The following ZFHX4 variants were observed in gnomAD, a reference collection of about 807,000 sequenced individuals.
The protein encoded by ZFHX4 is zinc finger homeobox 4.
ZFHX4 carries 56 observed loss-of-function variants against 267.6 expected under a neutral mutation model. That is an observed-to-expected ratio of 0.21 (90% CI 0.17 to 0.26). The LOEUF (loss-of-function observed/expected upper bound fraction) is 0.26, where lower values mean the gene tolerates loss of function less well. ZFHX4 is among the 10% of genes least tolerant of loss of function. ZFHX4 has a pLI of 1.00. For synonymous variants in ZFHX4, 1,778 were observed against 1,665.6 expected (o/e 1.07, Z -1.64); for missense variants, 4,332 against 4,420.0 (o/e 0.98, Z 0.56).
intron 3 of ZFHX4, among the ~76,000 whole-genome samples, chr8:76,723,169 A>T (rs1478431711): frequency 1.3e-5 from 2 of 152,102 alleles, no homozygotes; most frequent in Non-Finnish European, 2.9e-5. Context: ...AATGAGCAGT[A>T]GTAAGTGATG....
chr8:76,753,987 T>A (rs1809696198), intron 3 of ZFHX4, among the ~76,000 whole-genome samples: 1 of 152,146 alleles, frequency 6.6e-6, no homozygotes, highest in Admixed American at 6.5e-5. Context: ...TTTGGAATCA[T>A]ACTGACAGGG....
rs1437042108 is a variant in ZFHX4, at chr8:76,705,772, G to A, written c.1684G>A (p.Ala562Thr). 1 of 1,613,866 alleles carries A rather than the reference G, an allele frequency of 6.2e-7. No homozygotes were observed. The highest frequency in any genetic ancestry group is 1.1e-5 in the South Asian group (1 of 91,084). The change falls in exon 2 of 11, where the codon GCA (alanine) becomes ACA (threonine). Residue 562 changes from alanine to threonine, a missense_variant. Ala to Thr is a moderately conservative substitution (Grantham distance 58). Around this residue, in one of 7 missense-constraint regions of ZFHX4, gnomAD observed 1,195 missense variants for 1,173.6 expected, o/e 1.02. Coordinates refer to ENST00000651372, the MANE Select transcript of ZFHX4 (RefSeq NM_024721.5). ...YGISGKDFAD[A>T]SASKDSATAA... is the part of the protein sequence containing the mutation. ...CATCAGTGGCAAGGACTTTGCAGACGCAAGTGCCAGTAAAGACAGTGCCAC... is the reference window on the plus strand; with the variant it reads ...CATCAGTGGCAAGGACTTTGCAGACACAAGTGCCAGTAAAGACAGTGCCAC...
chr8:76,801,741 G>GTGTA (rs1425508729), intron 4 of ZFHX4, among the ~76,000 whole-genome samples: 2 of 152,136 alleles, frequency 1.3e-5, no homozygotes, highest in African/African-American at 4.8e-5. Context: ...AAGGACTCAC[G>GTGTA]TGTATATATG....
chr8:76,781,386 A>T (rs1475927782), intron 4 of ZFHX4, among the ~76,000 whole-genome samples: 1 of 152,058 alleles, frequency 6.6e-6, no homozygotes, highest in Non-Finnish European at 1.5e-5. Flanking sequence ...CCAATACATG[A>T]GTAATTAAGT....
chr8:76,785,885 C>T (rs1810674452), intron 4 of ZFHX4, among the ~76,000 whole-genome samples: 1 of 152,160 alleles, frequency 6.6e-6, no homozygotes, highest in Non-Finnish European at 1.5e-5. Context: ...TGCCAATAAA[C>T]TGGTTATCTG....
intron 3 of ZFHX4, among the ~76,000 whole-genome samples, chr8:76,761,371 A>G (rs964097253): frequency 2.6e-5 from 4 of 152,210 alleles, no homozygotes; most frequent in Non-Finnish European, 2.9e-5. Context: ...GTGTTTATTT[A>G]TCCTTGTAAA....
chr8:76,860,263 A>G (rs187438774), intron 10 of ZFHX4, among the ~76,000 whole-genome samples: 43 of 152,220 alleles, frequency 2.8e-4, no homozygotes, highest in African/African-American at 8.7e-4. Context: ...TTTTTAGAGT[A>G]GCTCATTATT....
intron 10 of ZFHX4, among the ~76,000 whole-genome samples, chr8:76,857,725 G>T (rs995244384): frequency 6.6e-6 from 1 of 151,976 alleles, no homozygotes; most frequent in Non-Finnish European, 1.5e-5. Context: ...GGTACTTTGG[G>T]CTTCATTATC....
chr8:76,849,625 C>T lies in ZFHX4; in HGVS notation c.3759C>T (p.Asp1253=), dbSNP rs778633608. The T allele has an allele frequency of 2.2e-5, 35 of 1,613,816 alleles. No individual in the cohort carries two copies. The highest frequency in any genetic ancestry group is 2.0e-4 in the East Asian group (9 of 44,864). The change falls in exon 8 of 11, where the codon GAC becomes GAT. Residue 1253 remains aspartate (D), a synonymous_variant. Transcript: ENST00000651372. ...TCATCTGCTGTCCTCTCTGTCAGGACGTCCTCAGCAACAAAATGCATCTCC... is the reference window on the plus strand; with the variant it reads ...TCATCTGCTGTCCTCTCTGTCAGGATGTCCTCAGCAACAAAATGCATCTCC... ...QPVICCPLCQ[D]VLSNKMHLQL... is the part of the protein sequence containing the mutation.
intron 4 of ZFHX4, among the ~76,000 whole-genome samples, chr8:76,826,806 A>ACTGTATT (rs1811797387): frequency 6.6e-6 from 1 of 152,240 alleles, no homozygotes; most frequent in African/African-American, 2.4e-5. Flanking sequence ...AGGCAACAAT[A>ACTGTATT]CTGTATTGTG....
chr8:76,819,818 A>G (rs1811601934), intron 4 of ZFHX4, among the ~76,000 whole-genome samples: 2 of 152,182 alleles, frequency 1.3e-5, no homozygotes, highest in Admixed American at 1.3e-4. Context: ...CTTCCCAACA[A>G]TTAATAGTGT....
In ZFHX4 at chr8:76,705,041, T is replaced by A. The variant is rs1808212197; in HGVS notation, c.953T>A (p.Val318Asp). 3 of 1,613,902 alleles carry A rather than the reference T, an allele frequency of 1.9e-6. No homozygotes were observed. The highest frequency in any genetic ancestry group is 2.5e-6 in the Non-Finnish European group (3 of 1,179,880). The change falls in exon 2 of 11, where the codon GTC (valine) becomes GAC (aspartate). Residue 318 changes from valine to aspartate, a missense_variant. Physicochemically the swap from Val to Asp is radical, Grantham distance 152. This residue lies in a region of ZFHX4 where 1,195 missense variants were observed against 1,173.6 expected (regional missense o/e 1.02). Coordinates refer to ENST00000651372, the MANE Select transcript of ZFHX4 (RefSeq NM_024721.5). ...CAGAAGCTCCTCAGTAATAAATGCG[T>A]CTCCGCCATAATACAGGGGATTGGC... is the stretch of plus-strand genomic sequence containing the variant. Reference protein sequence around the residue: ...EEQKLLSNKCVSAIIQGIGKD... With the variant: ...EEQKLLSNKCDSAIIQGIGKD...
intron 3 of ZFHX4, among the ~76,000 whole-genome samples, chr8:76,719,380 G>A (rs79342335): frequency 0.025 from 3,743 of 151,994 alleles, 146 homozygotes; most frequent in African/African-American, 0.083. Flanking sequence ...TGCAAGACTC[G>A]TCAAGAAGCA....
Position 76,704,271 on chromosome 8 carries a change from G to C in ZFHX4, c.183G>C (p.Leu61Phe), listed in dbSNP as rs1200440579. ...LKTDERKSEA[L>F]LGFSVENAAA... Reference sequence around the variant, plus strand: ...CGGATGAGCGCAAAAGTGAAGCCTTGCTGGGTTTCAGCGTTGAGAATGCAG... The same window carrying C: ...CGGATGAGCGCAAAAGTGAAGCCTTCCTGGGTTTCAGCGTTGAGAATGCAG... The change falls in exon 2 of 11, where the codon TTG becomes TTC. Residue 61 changes from leucine to phenylalanine, a missense_variant. Transcript: ENST00000651372. 1 of 1,613,862 alleles carries C rather than the reference G, an allele frequency of 6.2e-7. No homozygotes were observed. The highest frequency in any genetic ancestry group is 8.5e-7 in the Non-Finnish European group (1 of 1,179,904).
intron 5 of ZFHX4, among the ~76,000 whole-genome samples, chr8:76,837,480 G>A (rs1483305830): frequency 7.0e-6 from 1 of 143,306 alleles, no homozygotes; most frequent in Non-Finnish European, 1.5e-5. Context: ...TGGTAAAGAG[G>A]GAAATGCAAA....
chr8:76,767,954 A>G (rs1020475461), intron 3 of ZFHX4, among the ~76,000 whole-genome samples: 1 of 152,204 alleles, frequency 6.6e-6, no homozygotes, highest in Admixed American at 6.5e-5. Context: ...TATGTTAATC[A>G]GCATAAAGGG....
chr8:76,854,454 C>CCAG lies in ZFHX4; in HGVS notation c.7536_7538dup (p.Gln2512dup), dbSNP rs772117997. On this transcript the variant is annotated inframe_insertion, in exon 10 of 11. Transcript: ENST00000651372. Reference sequence around the variant, plus strand: ...CAACTCTGGAACTCTGGCAGGAACACCAGCACATGCACTTCCTTGCTGCTC... The same window carrying CCAG: ...CAACTCTGGAACTCTGGCAGGAACACCAGCAGCACATGCACTTCCTTGCTGCTC... 1.2e-6 allele frequency: 2 copies of CCAG among 1,613,848 alleles called. No homozygotes were observed. The highest frequency in any genetic ancestry group is 1.7e-6 in the Non-Finnish European group (2 of 1,179,886).
intron 4 of ZFHX4, among the ~76,000 whole-genome samples, chr8:76,779,100 C>T (rs2131774896): frequency 6.6e-6 from 1 of 152,270 alleles, no homozygotes; most frequent in African/African-American, 2.4e-5. Context: ...GAGCTAAAAA[C>T]CACATGCGAA....
At chr8:76,715,861 C>CT (rs1243480346) in intron 3 of ZFHX4, among the ~76,000 whole-genome samples, 5 of 152,242 alleles carry the variant, frequency 3.3e-5, no homozygotes, top group African/African-American at 1.2e-4. Context: ...TTCCTATAGA[C>CT]TTTATTTCAT....
Sources: gnomAD v4.1 joint callset for allele counts (sites outside exome capture counted in the v4.1 genomes callset) on GRCh38, gnomAD v4.1.1 for gene constraint, gnomAD v4.1.1 regional missense constraint, MANE v1.5 for transcripts, NCBI Gene and HGNC (gene_info 2026-07-23, HGNC 2026-07-21) for gene names.